SPMIP2: variants seen among roughly 807,000 people sequenced by gnomAD.
The protein encoded by SPMIP2 is sperm microtubule inner protein 2.
chr4:158,992,868 AG>A, the SPMIP2 span, among the ~76,000 whole-genome samples: 1 of 152,198 alleles, frequency 6.6e-6, no homozygotes, highest in African/African-American at 2.4e-5. Context: ...CATCTCTTAA[AG>A]GCCCCGCCTC....
the SPMIP2 span, among the ~76,000 whole-genome samples, chr4:158,971,370 T>C: frequency 1.3e-5 from 2 of 152,222 alleles, no homozygotes; most frequent in Non-Finnish European, 1.5e-5. Context: ...CTAAGTGGAA[T>C]AGGACACAGT....
At chr4:159,007,637 T>C in the SPMIP2 span, 29 of 870,184 alleles carry the variant, frequency 3.3e-5, no homozygotes, top group Non-Finnish European at 4.6e-5. Flanking sequence ...GTCGGGATGC[T>C]GTGGCCAAGG....
the SPMIP2 span, among the ~76,000 whole-genome samples, chr4:159,032,284 G>C: frequency 6.6e-6 from 1 of 152,064 alleles, no homozygotes. Context: ...ATTCTCTAAA[G>C]CTTGTGGCAT....
chr4:159,004,289 CTTTTTTTT>C, the SPMIP2 span, among the ~76,000 whole-genome samples: 1,546 of 78,960 alleles, frequency 0.02, 47 homozygotes, highest in African/African-American at 0.07. Flanking sequence ...ACTCTGTGCT[CTTTTTTTT>C]TTTTTTTTTT....
At chr4:158,913,930 A>G in the SPMIP2 span, among the ~76,000 whole-genome samples, 1 of 152,168 alleles carries the variant, frequency 6.6e-6, no homozygotes, top group Non-Finnish European at 1.5e-5. Flanking sequence ...AGAGGAAGAA[A>G]GCGAACATAA....
At chr4:158,946,861 A>G in the SPMIP2 span, among the ~76,000 whole-genome samples, 1 of 152,202 alleles carries the variant, frequency 6.6e-6, no homozygotes, top group Non-Finnish European at 1.5e-5. Flanking sequence ...TGTCTTGTTC[A>G]CTTCTGAATC....
the SPMIP2 span, among the ~76,000 whole-genome samples, chr4:158,988,027 C>T: frequency 6.6e-3 from 1,001 of 152,054 alleles, 8 homozygotes; most frequent in Non-Finnish European, 0.01. Flanking sequence ...AGAGAATATT[C>T]AAATAGATGC....
At chr4:158,931,003 C>T in the SPMIP2 span, among the ~76,000 whole-genome samples, 15 of 152,078 alleles carry the variant, frequency 9.9e-5, no homozygotes, top group Admixed American at 9.8e-4. Flanking sequence ...TTCATATATT[C>T]TTTCTTCCCT....
the SPMIP2 span, chr4:159,007,904 CA>C: frequency 2.2e-6 from 1 of 451,918 alleles, no homozygotes; most frequent in Non-Finnish European, 4.4e-6. Context: ...ATGGTAATTA[CA>C]TAATAACAAT....
At chr4:159,011,341 G>A in the SPMIP2 span, among the ~76,000 whole-genome samples, 1 of 152,198 alleles carries the variant, frequency 6.6e-6, no homozygotes, top group South Asian at 2.1e-4. Flanking sequence ...GTAATTAAAA[G>A]CTTTTATCAT....
At chr4:159,052,008 T>C in the SPMIP2 span, among the ~76,000 whole-genome samples, 1 of 151,938 alleles carries the variant, frequency 6.6e-6, no homozygotes, top group African/African-American at 2.4e-5. Flanking sequence ...ACTGGAATTC[T>C]GGATGCTAAA....
At chr4:159,069,121 TG>T in the SPMIP2 span, among the ~76,000 whole-genome samples, 1 of 152,138 alleles carries the variant, frequency 6.6e-6, no homozygotes, top group South Asian at 2.1e-4. Flanking sequence ...TGGCCAATGT[TG>T]TGAAACCCCA....
At chr4:159,067,761 C>T in the SPMIP2 span, among the ~76,000 whole-genome samples, 1 of 152,130 alleles carries the variant, frequency 6.6e-6, no homozygotes, top group Non-Finnish European at 1.5e-5. Context: ...ACCTACTCAT[C>T]TGACAAAGGG....
chr4:158,915,322 G>A, the SPMIP2 span: 1 of 1,613,140 alleles, frequency 6.2e-7, no homozygotes. Context: ...GCGCGACTCT[G>A]TTTTCCTTGC....
At chr4:159,079,276 G>T in the SPMIP2 span, among the ~76,000 whole-genome samples, 6 of 151,980 alleles carry the variant, frequency 3.9e-5, no homozygotes, top group Non-Finnish European at 7.4e-5. Context: ...GGTCATGAGG[G>T]CTCCACCCAC....
chr4:158,948,763 C>G, the SPMIP2 span, among the ~76,000 whole-genome samples: 1 of 151,944 alleles, frequency 6.6e-6, no homozygotes. Flanking sequence ...CGCCACCATG[C>G]CCAGCTAATT....
At chr4:158,961,452 T>C in the SPMIP2 span, among the ~76,000 whole-genome samples, 1 of 152,116 alleles carries the variant, frequency 6.6e-6, no homozygotes, top group East Asian at 1.9e-4. Context: ...AAGGTCACTA[T>C]TCCATAGAAA....
chr4:159,048,466 A>G, the SPMIP2 span, among the ~76,000 whole-genome samples: 2 of 152,278 alleles, frequency 1.3e-5, no homozygotes, highest in African/African-American at 4.8e-5. Flanking sequence ...CGTCTTTCAC[A>G]AAGGCAGACA....
the SPMIP2 span, among the ~76,000 whole-genome samples, chr4:159,056,100 G>A: frequency 6.6e-6 from 1 of 152,004 alleles, no homozygotes; most frequent in Non-Finnish European, 1.5e-5. Flanking sequence ...CACTCCCAAA[G>A]GTATGTTGTA....
Sources: gnomAD v4.1 joint callset for allele counts (sites outside exome capture counted in the v4.1 genomes callset) on GRCh38, gnomAD v4.1.1 for gene constraint, MANE v1.5 for transcripts, NCBI Gene and HGNC (gene_info 2026-07-23, HGNC 2026-07-21) for gene names.